AGMO: variants seen among roughly 807,000 people sequenced by gnomAD.
AGMO encodes glyceryl-ether monooxygenase.
AGMO carries 75 observed loss-of-function variants against 60.2 expected under a neutral mutation model. That is an observed-to-expected ratio of 1.25 (90% CI 1.03 to 1.51). The LOEUF (loss-of-function observed/expected upper bound fraction) is 1.51, where lower values mean the gene tolerates loss of function less well. AGMO is among the 40% of genes most tolerant of loss of function. The pLI is 0.00. For missense variants in AGMO, 763 were observed against 525.5 expected (o/e 1.45, Z -4.42); for synonymous variants, 261 against 177.1 (o/e 1.47, Z -3.76).
chr7:15,477,083 A>G lies in AGMO; in HGVS notation c.410-45975T>C, dbSNP rs73292308. Among the ~76,000 whole-genome samples, 197 of 152,166 alleles carry G rather than the reference A, an allele frequency of 1.3e-3. 1 individual carries two copies. The highest frequency in any genetic ancestry group is 4.6e-3 in the African/African-American group (192 of 41,544). ...CAGTTTGGGTACTCAAATTACGTAT[A>G]CACAGAAAAGGAATTAGCCTATCAC... On this transcript the variant is annotated intron_variant, in intron 3 of 12. Transcript: ENST00000342526.
intron 3 of AGMO, among the ~76,000 whole-genome samples, chr7:15,508,795 C>T (rs1373471308): frequency 2.0e-5 from 3 of 151,908 alleles, no homozygotes; most frequent in African/African-American, 7.3e-5. Flanking sequence ...ATATCTTTTG[C>T]CACATTCTGT....
chr7:15,364,787 GA>G (rs1367659433), intron 12 of AGMO, among the ~76,000 whole-genome samples: 2 of 151,976 alleles, frequency 1.3e-5, no homozygotes, highest in African/African-American at 4.8e-5. Context: ...AAGAGCGGGG[GA>G]TATTAGTATT....
chr7:15,544,795 T>C lies in AGMO; in HGVS notation c.386A>G (p.Tyr129Cys), dbSNP rs1384353497. The change falls in exon 3 of 13, where the codon TAC becomes TGC. Residue 129 changes from tyrosine (Y) to cysteine (C), a missense_variant. Physicochemically the swap from Tyr to Cys is radical, Grantham distance 194. Coordinates refer to ENST00000342526, the MANE Select transcript of AGMO (RefSeq NM_001004320.2). ...ACCATGAGCCATACGATGGAACCAGTAGTAGCCAAAGTCAACTCCTAAGAA... is the reference window on the plus strand; with the variant it reads ...ACCATGAGCCATACGATGGAACCAGCAGTAGCCAAAGTCAACTCCTAAGAA... ...SAFLGVDFGYYWFHRMAHEVN... is the reference protein window; with the variant it reads ...SAFLGVDFGYCWFHRMAHEVN... 7 of 1,605,256 alleles carry C rather than the reference T, an allele frequency of 4.4e-6. No homozygotes were observed. Among genetic ancestry groups the C allele is most frequent in the Non-Finnish European group, 6.0e-6 (7 of 1,176,094 alleles).
At chr7:15,121,285 T>C in the AGMO span, among the ~76,000 whole-genome samples, 5 of 152,188 alleles carry the variant, frequency 3.3e-5, no homozygotes, top group Admixed American at 3.3e-4. Flanking sequence ...TAAACATACA[T>C]GTGCATGTGT....
At chr7:15,474,126 C>G (rs1271067234) in intron 3 of AGMO, among the ~76,000 whole-genome samples, 14 of 152,056 alleles carry the variant, frequency 9.2e-5, no homozygotes, top group Non-Finnish European at 2.9e-5. Context: ...CTATACTGCC[C>G]AAAGTAATTT....
At position 15,324,854 on chromosome 7, in the gene AGMO, G is replaced by A. The variant is rs373534077; in HGVS notation, c.1263+40660C>T. Among the ~76,000 whole-genome samples the A allele has an allele frequency of 6.9e-4, 105 of 152,246 alleles. No individual in the cohort carries two copies. In the East Asian group the frequency reaches 0.018, roughly 26 times the overall value. The stretch of plus-strand genomic sequence containing the variant: ...TCTGACAGGAGGCAGAGCCCAGGCA[G>A]TAATGCTTATTTGCCTGCTGCTCAC... On this transcript the variant is annotated intron_variant, in intron 12 of 12. Coordinates refer to ENST00000342526, the MANE Select transcript of AGMO (RefSeq NM_001004320.2).
At chr7:15,446,165 C>T (rs994631339) in intron 3 of AGMO, among the ~76,000 whole-genome samples, 5 of 152,132 alleles carry the variant, frequency 3.3e-5, no homozygotes, top group African/African-American at 1.2e-4. Context: ...AGTCAAATAA[C>T]AGCGAGTAAT....
chr7:15,224,002 A>ACCT (rs1318304193), intron 12 of AGMO, among the ~76,000 whole-genome samples: 2 of 151,954 alleles, frequency 1.3e-5, no homozygotes, highest in African/African-American at 2.4e-5. Context: ...ATTATGATGA[A>ACCT]CCTCTGGCAT....
At chr7:15,310,199 T>G (rs1028823995) in intron 12 of AGMO, among the ~76,000 whole-genome samples, 7 of 152,170 alleles carry the variant, frequency 4.6e-5, no homozygotes, top group Admixed American at 4.6e-4. Flanking sequence ...TTTGATTCAG[T>G]AATGTTATTT....
chr7:15,253,647 A>G (rs1783012168), intron 12 of AGMO, among the ~76,000 whole-genome samples: 2 of 152,212 alleles, frequency 1.3e-5, no homozygotes, highest in Non-Finnish European at 2.9e-5. Flanking sequence ...AGATCAAGTC[A>G]TAATAATTAG....
intron 12 of AGMO, among the ~76,000 whole-genome samples, chr7:15,258,109 C>T (rs535682658): frequency 2.0e-5 from 3 of 152,228 alleles, no homozygotes; most frequent in African/African-American, 7.2e-5. Flanking sequence ...GTATAAATTC[C>T]TAGTATTAAT....
intron 4 of AGMO, among the ~76,000 whole-genome samples, chr7:15,427,647 TTA>T (rs1781105024): frequency 6.6e-6 from 1 of 152,184 alleles, no homozygotes; most frequent in African/African-American, 2.4e-5. Flanking sequence ...CTGTAATATT[TTA>T]TATGACATCC....
chr7:15,391,194 G>C (rs1439595547), intron 6 of AGMO, among the ~76,000 whole-genome samples: 2 of 151,352 alleles, frequency 1.3e-5, no homozygotes, highest in Non-Finnish European at 2.9e-5. Context: ...AATTTTTTCA[G>C]GACCATTAAA....
At chr7:15,437,140 A>C (rs1448617828) in intron 3 of AGMO, among the ~76,000 whole-genome samples, 4 of 152,208 alleles carry the variant, frequency 2.6e-5, no homozygotes, top group African/African-American at 4.8e-5. Context: ...CTAACTAAAA[A>C]ATATAATAGC....
At chr7:15,439,290 G>A (rs1394860911) in intron 3 of AGMO, among the ~76,000 whole-genome samples, 1 of 152,114 alleles carries the variant, frequency 6.6e-6, no homozygotes, top group Non-Finnish European at 1.5e-5. Flanking sequence ...CCAGCTACTA[G>A]GGAGGCTGAG....
intron 3 of AGMO, among the ~76,000 whole-genome samples, chr7:15,516,366 C>T (rs915577755): frequency 1.3e-5 from 2 of 152,096 alleles, no homozygotes; most frequent in Non-Finnish European, 2.9e-5. Flanking sequence ...CACAAATGTT[C>T]ATCTACATAT....
At chr7:15,523,901 T>A (rs183159041) in intron 3 of AGMO, among the ~76,000 whole-genome samples, 7 of 152,212 alleles carry the variant, frequency 4.6e-5, no homozygotes, top group African/African-American at 1.4e-4. Context: ...GTTAACTACA[T>A]GGTATGGTCA....
At chr7:15,210,519 C>A (rs1583294377) in intron 12 of AGMO, among the ~76,000 whole-genome samples, 1 of 152,102 alleles carries the variant, frequency 6.6e-6, no homozygotes, top group African/African-American at 2.4e-5. Context: ...GTAGCAGATG[C>A]AGAGTATTTT....
chr7:15,281,651 C>T (rs1010024213), intron 12 of AGMO, among the ~76,000 whole-genome samples: 18 of 152,112 alleles, frequency 1.2e-4, no homozygotes, highest in Admixed American at 1.1e-3. Context: ...AGAGCTCCTC[C>T]ATGCACTTCT....
Sources: gnomAD v4.1 joint callset for allele counts (sites outside exome capture counted in the v4.1 genomes callset) on GRCh38, gnomAD v4.1.1 for gene constraint, MANE v1.5 for transcripts, NCBI Gene and HGNC (gene_info 2026-07-23, HGNC 2026-07-21) for gene names.